Variants in ATG5 observed in about 807,000 individuals in gnomAD.
ATG5 encodes the protein autophagy related 5.
In ATG5, 14 loss-of-function variants were observed where a neutral mutation model predicts 36.5. The observed-to-expected ratio is 0.38, with a 90% CI of 0.25 to 0.60. ATG5 has a LOEUF of 0.60. Ranked by LOEUF, ATG5 falls within the 20% of genes least tolerant of loss-of-function variation. The pLI is 0.60. For synonymous variants in ATG5, 95 were observed against 101.5 expected (o/e 0.94, Z 0.38); for missense variants, 195 against 326.7 (o/e 0.60, Z 3.11).
intron 1 of ATG5, among the ~76,000 whole-genome samples, chr6:106,320,797 A>G (rs1771037256): frequency 6.6e-6 from 1 of 152,206 alleles, no homozygotes; most frequent in Non-Finnish European, 1.5e-5. Flanking sequence ...AATCTCATCC[A>G]CCAGTCCTAT....
chr6:106,249,170 T>C (rs1219994693), intron 5 of ATG5, among the ~76,000 whole-genome samples: 1 of 152,152 alleles, frequency 6.6e-6, no homozygotes, highest in East Asian at 1.9e-4. Flanking sequence ...TTTTAAAGTA[T>C]ACAACTTAGT....
intron 6 of ATG5, chr6:106,217,739 G>A (rs1178733296): frequency 2.0e-5 from 3 of 152,148 alleles, no homozygotes; most frequent in African/African-American, 7.2e-5. Flanking sequence ...TACTTATATG[G>A]CTTGTCCTAG....
In ATG5 at chr6:106,186,530, AG is replaced by A. The variant is rs1355224758; in HGVS notation, c.*9del. ...TAAGGATGATTCTGTTCAGGCAAAT[AG>A]TTGATCCTTCAATCTGTTGGCTGTG... On this transcript the variant is annotated 3_prime_UTR_variant, in exon 8 of 8. Coordinates refer to ENST00000369076, the MANE Select transcript of ATG5 (RefSeq NM_004849.4). The A allele has an allele frequency of 6.2e-7, 1 of 1,612,748 alleles. No individual in the cohort carries two copies. The highest frequency in any genetic ancestry group is 1.3e-5 in the African/African-American group (1 of 74,896).
chr6:106,213,332 C>T (rs1454778940), intron 6 of ATG5, among the ~76,000 whole-genome samples: 1 of 152,188 alleles, frequency 6.6e-6, no homozygotes, highest in African/African-American at 2.4e-5. Context: ...TCTGGACTTA[C>T]TGGCATTTAG....
chr6:106,237,017 C>T lies in ATG5; in HGVS notation c.573+11133G>A, dbSNP rs557290984. 3.3e-5 allele frequency among the ~76,000 whole-genome samples: 5 copies of T among 152,202 alleles called. No individual in the cohort carries two copies. The South Asian group carries it at 6.2e-4, about 19-fold the overall frequency. On this transcript the variant is annotated intron_variant, in intron 6 of 7. Transcript: ENST00000369076. ...AAATCTAAGAAAACTAATTCTTGAG[C>T]CTCTGGTTTGAAGAATTCTCAAATT...
chr6:106,314,181 A>G (rs142455082), intron 2 of ATG5, among the ~76,000 whole-genome samples: 106 of 152,340 alleles, frequency 7.0e-4, no homozygotes, highest in Non-Finnish European at 1.2e-3. Flanking sequence ...CAATTTAAAC[A>G]GGTCTATAAA....
At chr6:106,215,998 A>C (rs1423281643) in intron 6 of ATG5, among the ~76,000 whole-genome samples, 3 of 152,238 alleles carry the variant, frequency 2.0e-5, no homozygotes, top group Non-Finnish European at 4.4e-5. Context: ...ATGCATGAAA[A>C]GATGTTTAGC....
intron 5 of ATG5, among the ~76,000 whole-genome samples, chr6:106,278,787 T>C (rs1779758888): frequency 6.6e-6 from 1 of 152,222 alleles, no homozygotes; most frequent in South Asian, 2.1e-4. Context: ...GACTATGTGC[T>C]TTGCTATCTG....
intron 6 of ATG5, among the ~76,000 whole-genome samples, chr6:106,215,253 A>C (rs769669609): frequency 6.6e-6 from 1 of 152,190 alleles, no homozygotes; most frequent in Non-Finnish European, 1.5e-5. Context: ...TCAAAAGTGA[A>C]ATTCTGTTCT....
chr6:106,267,843 G>A (rs1469993706), intron 5 of ATG5, among the ~76,000 whole-genome samples: 2 of 152,092 alleles, frequency 1.3e-5, no homozygotes, highest in African/African-American at 4.8e-5. Context: ...TGAACTCAAG[G>A]TGGATAAAAA....
At chr6:106,263,289 T>C (rs1478456365) in intron 5 of ATG5, among the ~76,000 whole-genome samples, 1 of 152,222 alleles carries the variant, frequency 6.6e-6, no homozygotes, top group Admixed American at 6.5e-5. Flanking sequence ...AGTCCTTCTC[T>C]AGATTCCTCC....
intron 6 of ATG5, among the ~76,000 whole-genome samples, chr6:106,243,010 AAC>A (rs1778187632): frequency 6.6e-6 from 1 of 152,200 alleles, no homozygotes; most frequent in Non-Finnish European, 1.5e-5. Context: ...CTGGAAACAA[AAC>A]AGAGTCTAAA....
intron 2 of ATG5, among the ~76,000 whole-genome samples, chr6:106,311,649 G>A (rs943345607): frequency 1.3e-5 from 2 of 152,120 alleles, no homozygotes; most frequent in East Asian, 1.9e-4. Flanking sequence ...CCAGATTATC[G>A]AGAACCTTGT....
rs200079794 is a variant in ATG5, at chr6:106,198,786, AAGAG to A, written c.691+3182_691+3185del. Among the ~76,000 whole-genome samples the A allele has an allele frequency of 9.1e-3, 1,388 of 151,916 alleles. 20 individuals carry two copies. The highest frequency in any genetic ancestry group is 0.032 in the African/African-American group (1,344 of 41,388). On this transcript the variant is annotated intron_variant, in intron 7 of 7. Transcript: ENST00000369076. ...GCGAGACCCTGTCTGGGAAAAAAAA[AAGAG>A]AGAGAGTGAGAAAGAGAGAAAGAAA...
At chr6:106,240,050 T>C (rs916503102) in intron 6 of ATG5, among the ~76,000 whole-genome samples, 1 of 151,960 alleles carries the variant, frequency 6.6e-6, no homozygotes, top group Non-Finnish European at 1.5e-5. Context: ...TGGACTGTAG[T>C]GGCATGATCA....
intron 6 of ATG5, among the ~76,000 whole-genome samples, chr6:106,215,842 T>C (rs550421272): frequency 6.6e-6 from 1 of 152,244 alleles, no homozygotes; most frequent in Non-Finnish European, 1.5e-5. Flanking sequence ...GGACAAAATA[T>C]TTGCAAACCA....
chr6:106,248,938 C>CAAAAAT (rs1464846291), intron 5 of ATG5, among the ~76,000 whole-genome samples: 3 of 151,822 alleles, frequency 2.0e-5, no homozygotes, highest in East Asian at 1.9e-4. Context: ...AACTCCGTCT[C>CAAAAAT]AAAAATAAAA....
chr6:106,229,408 CAGAGACAGAGAGAGAG>C (rs1409352728), intron 6 of ATG5, among the ~76,000 whole-genome samples: 3 of 150,928 alleles, frequency 2.0e-5, no homozygotes, highest in Admixed American at 6.6e-5. Flanking sequence ...GAGAGACAGA[CAGAGACAGAGAGAGAG>C]AGAGACAGAG....
At chr6:106,269,965 CATT>C (rs1779389917) in intron 5 of ATG5, among the ~76,000 whole-genome samples, 1 of 152,226 alleles carries the variant, frequency 6.6e-6, no homozygotes, top group Non-Finnish European at 1.5e-5. Context: ...TGTCACCTCT[CATT>C]AGTATAATCT....
Sources: allele counts gnomAD v4.1 joint callset (sites outside exome capture counted in the v4.1 genomes callset), GRCh38; gene constraint gnomAD v4.1.1; transcripts MANE v1.5; gene names NCBI Gene and HGNC (gene_info 2026-07-23, HGNC 2026-07-21).